CPNE5: variants seen among roughly 807,000 people sequenced by gnomAD.
CPNE5 encodes copine 5.
In CPNE5, 42 loss-of-function variants were observed where a neutral mutation model predicts 81.1. That is an observed-to-expected ratio of 0.52 (90% CI 0.40 to 0.67). The LOEUF (loss-of-function observed/expected upper bound fraction) is 0.67, where lower values mean the gene tolerates loss of function less well. Ranked by LOEUF, CPNE5 falls within the 30% of genes least tolerant of loss-of-function variation. The probability of loss-of-function intolerance (pLI) is 0.00; values close to 1 mark genes in which losing one functional copy is unlikely to be tolerated. For missense variants in CPNE5, 612 were observed against 815.5 expected (o/e 0.75, Z 3.04); for synonymous variants, 313 against 321.5 (o/e 0.97, Z 0.28).
At chr6:36,744,185 C>T in intron 19 of CPNE5, 83 bp downstream of exon 19, 1 of 1,160,488 alleles carries the variant, frequency 8.6e-7, no homozygotes, top group Non-Finnish European at 1.3e-6. Context: ...CAGGGGACCA[C>T]AGCCTCTGGG....
chr6:36,822,910 C>T, intron 2 of CPNE5, 148 bp downstream of exon 2: 1 of 580,784 alleles, frequency 1.7e-6, no homozygotes, highest in South Asian at 4.4e-5. Flanking sequence ...TTCTCAGACA[C>T]TATGGGAGAA....
intron 8 of CPNE5, among the ~76,000 whole-genome samples, chr6:36,779,943 G>A (rs1385278635): frequency 6.7e-6 from 1 of 150,244 alleles, no homozygotes; most frequent in Admixed American, 6.6e-5. Flanking sequence ...GGGTCACTCC[G>A]CTCCCTCACA....
At chr6:36,803,231 C>T (rs1770284464) in intron 3 of CPNE5, among the ~76,000 whole-genome samples, 1 of 152,168 alleles carries the variant, frequency 6.6e-6, no homozygotes, top group South Asian at 2.1e-4. Context: ...CTCACCTTGT[C>T]ACCTCGACTA....
intron 3 of CPNE5, among the ~76,000 whole-genome samples, chr6:36,811,045 G>T (rs1771053907): frequency 1.3e-5 from 2 of 152,228 alleles, no homozygotes; most frequent in Admixed American, 1.3e-4. Context: ...ATTAGCCATT[G>T]TTTCAGATAA....
chr6:36,805,499 G>A (rs963566387), intron 3 of CPNE5, among the ~76,000 whole-genome samples: 1 of 152,216 alleles, frequency 6.6e-6, no homozygotes, highest in African/African-American at 2.4e-5. Context: ...AAGGCTGAAG[G>A]ATGCCCAAGC....
rs1309501244 is a variant in CPNE5, at chr6:36,744,406, C to G, written c.1432-81G>C. 3 of 1,098,060 alleles carry G rather than the reference C, an allele frequency of 2.7e-6. No homozygotes were observed. The Admixed American group carries it at 6.0e-5, about 22-fold the overall frequency. 68.0% of individuals were successfully genotyped at this position (1,098,060 alleles called of 1,614,324 possible). A position where few individuals can be genotyped will look rare whatever the true frequency, so the allele number is the denominator to read the frequency against. On this transcript the variant is annotated intron_variant, in intron 18 of 20. Transcript: ENST00000244751. ...AAGGAAGGAGAAATCAGGGGTAGGA[C>G]AGGAAGGGGTGGGCAGGAAAGAAAT...
At chr6:36,763,384 C>T (rs1237778553) in intron 11 of CPNE5, among the ~76,000 whole-genome samples, 1 of 152,168 alleles carries the variant, frequency 6.6e-6, no homozygotes, top group Non-Finnish European at 1.5e-5. Flanking sequence ...GGGCAGATCA[C>T]CTGAGGTCAG....
chr6:36,807,255 C>T (rs1043388912), intron 3 of CPNE5, among the ~76,000 whole-genome samples: 7 of 152,184 alleles, frequency 4.6e-5, no homozygotes, highest in Non-Finnish European at 8.8e-5. Flanking sequence ...GCAGAGTCTA[C>T]GGCCAGGCCT....
intron 14 of CPNE5, among the ~76,000 whole-genome samples, chr6:36,750,758 G>T (rs1189094082): frequency 6.6e-6 from 1 of 152,188 alleles, no homozygotes; most frequent in African/African-American, 2.4e-5. Flanking sequence ...CCACTCTTGG[G>T]AAGATGATTC....
chr6:36,769,565 C>A (rs1766874931), intron 10 of CPNE5, among the ~76,000 whole-genome samples: 1 of 152,236 alleles, frequency 6.6e-6, no homozygotes. Flanking sequence ...GGCTGACAGG[C>A]CCTGAGGGGT....
chr6:36,800,368 C>T (rs1271922497), intron 3 of CPNE5, among the ~76,000 whole-genome samples: 1 of 152,202 alleles, frequency 6.6e-6, no homozygotes, highest in African/African-American at 2.4e-5. Context: ...CTGTCTCTGC[C>T]AGTGGCATAT....
intron 8 of CPNE5, among the ~76,000 whole-genome samples, chr6:36,788,218 G>C (rs534286466): frequency 1.4e-5 from 2 of 148,136 alleles, no homozygotes; most frequent in Non-Finnish European, 3.0e-5. Flanking sequence ...TTTTTTTGTA[G>C]AGATGGTCGG....
chr6:36,753,809 A>C (rs759286742), intron 13 of CPNE5, among the ~76,000 whole-genome samples: 1 of 152,228 alleles, frequency 6.6e-6, no homozygotes, highest in Non-Finnish European at 1.5e-5. Context: ...AACAATTTAG[A>C]ATCAAGGAGA....
chr6:36,807,737 G>A (rs1414672969), intron 3 of CPNE5, among the ~76,000 whole-genome samples: 1 of 152,126 alleles, frequency 6.6e-6, no homozygotes, highest in Non-Finnish European at 1.5e-5. Flanking sequence ...GAGACTGGAG[G>A]CAAATGCAGG....
At chr6:36,803,692 A>G (rs1770334321) in intron 3 of CPNE5, among the ~76,000 whole-genome samples, 1 of 152,260 alleles carries the variant, frequency 6.6e-6, no homozygotes, top group East Asian at 1.9e-4. Context: ...TGGTTGCAAC[A>G]TCTTACTGGT....
chr6:36,786,457 T>C (rs578117535), intron 8 of CPNE5, among the ~76,000 whole-genome samples: 2 of 152,280 alleles, frequency 1.3e-5, no homozygotes, highest in South Asian at 4.1e-4. Flanking sequence ...AACAATCCAA[T>C]CAGTTGTGCA....
chr6:36,839,561 G>C, upstream of CPNE5: 1 of 501,244 alleles, frequency 2.0e-6, no homozygotes, highest in Non-Finnish European at 3.5e-6. The surrounding 1 kb of genome is among the most constrained non-coding windows in gnomAD (Gnocchi z 7.3). Flanking sequence ...GGGAGCGGGG[G>C]CCGCGGATCG....
In CPNE5 at chr6:36,839,435, CGGAGCGACT is replaced by C; in HGVS notation, c.-67_-59del. 2.8e-6 allele frequency: 4 copies of C among 1,414,768 alleles called. No individual in the cohort carries two copies. In the South Asian group the frequency reaches 5.3e-5, roughly 19 times the overall value. 87.6% of individuals were successfully genotyped at this position (1,414,768 alleles called of 1,614,324 possible). Reference sequence around the variant, plus strand: ...ATCCCTGCGCGATTCACGCCTCCTCCGGAGCGACTGGAGCCCTGGGCTCTCCCCCAACTC... The same window carrying C: ...ATCCCTGCGCGATTCACGCCTCCTCCGGAGCCCTGGGCTCTCCCCCAACTC... On this transcript the variant is annotated 5_prime_UTR_variant, in exon 1 of 21. Coordinates refer to ENST00000244751, the MANE Select transcript of CPNE5 (RefSeq NM_020939.2). The surrounding 1 kb of genome is among the most constrained non-coding windows in gnomAD (Gnocchi z 7.3).
chr6:36,829,721 G>A (rs917654136), intron 1 of CPNE5, among the ~76,000 whole-genome samples: 2 of 150,218 alleles, frequency 1.3e-5, no homozygotes, highest in African/African-American at 4.9e-5. Flanking sequence ...GCTGAGGCAG[G>A]AGAATCGCTT....
Sources: allele counts gnomAD v4.1 joint callset (sites outside exome capture counted in the v4.1 genomes callset), GRCh38; gene constraint gnomAD v4.1.1; non-coding constraint Gnocchi (gnomAD v3.1); transcripts MANE v1.5; gene names NCBI Gene and HGNC (gene_info 2026-07-23, HGNC 2026-07-21).